CSMD2: variants seen among roughly 807,000 people sequenced by gnomAD.
CSMD2 encodes CUB and Sushi multiple domains 2, also known as CUB and sushi domain-containing protein 2.
CSMD2 carries 130 observed loss-of-function variants against 398.5 expected under a neutral mutation model. The ratio of observed to expected loss-of-function variants is 0.33; its 90% CI spans 0.28 to 0.38. The LOEUF is 0.38. Ranked by LOEUF, CSMD2 falls within the 10% of genes least tolerant of loss-of-function variation. The pLI is 1.00. For missense variants in CSMD2, 3,829 were observed against 4,764.9 expected, an observed-to-expected ratio of 0.80 and a Z score of 5.78; for synonymous variants, 1,828 against 1,908.5, an observed-to-expected ratio of 0.96 and a Z score of 1.10.
At chr1:33,654,347 C>T (rs1467202526) in intron 27 of CSMD2, among the ~76,000 whole-genome samples, 1 of 152,192 alleles carries the variant, frequency 6.6e-6, no homozygotes. Flanking sequence ...CCCAGAGTCA[C>T]TCTGAGACTC....
chr1:33,515,637 A>C lies in CSMD2; in HGVS notation c.*987T>G, dbSNP rs2148505961. ...TGCAGACTAGAAATACTACAGGTAA[A>C]GTGTCAGGCACAGAGAATAACCCCA... On this transcript the variant is annotated 3_prime_UTR_variant, in exon 71 of 71. Coordinates refer to ENST00000373381, the MANE Select transcript of CSMD2 (RefSeq NM_001281956.2). 1 of 152,378 alleles carries C rather than the reference A, an allele frequency of 6.6e-6. No individual in the cohort carries two copies. The highest frequency in any genetic ancestry group is 2.4e-5 in the African/African-American group (1 of 41,590). The allele number at this position is 152,378 out of a possible 1,614,324, so 9.4% of individuals were successfully genotyped here.
rs77125267 is a variant in CSMD2, at chr1:33,966,613, C to T, written c.518-30659G>A. Reference sequence around the variant, plus strand: ...GGTGGTGATGAAACTGAAAAGTAAGCGAGGGAGTCTAAGGAAGTAATGGTT... The same window carrying T: ...GGTGGTGATGAAACTGAAAAGTAAGTGAGGGAGTCTAAGGAAGTAATGGTT... On this transcript the variant is annotated intron_variant, in intron 3 of 70. Transcript: ENST00000373381. 1.3e-3 allele frequency among the ~76,000 whole-genome samples: 205 copies of T among 152,082 alleles called. 1 individual carries two copies. The highest frequency in any genetic ancestry group is 4.6e-3 in the African/African-American group (189 of 41,458).
At chr1:33,878,912 A>T (rs1169890773) in intron 5 of CSMD2, among the ~76,000 whole-genome samples, 1 of 152,228 alleles carries the variant, frequency 6.6e-6, no homozygotes, top group African/African-American at 2.4e-5. Flanking sequence ...ATATCTATTT[A>T]TATGAATCCA....
chr1:33,584,903 G>A (rs1570827126), intron 46 of CSMD2, among the ~76,000 whole-genome samples: 1 of 152,088 alleles, frequency 6.6e-6, no homozygotes, highest in East Asian at 1.9e-4. Context: ...AGCTGGAGGA[G>A]CAGGATTCGT....
rs567435379 is a variant in CSMD2 at position 34,052,400 on chromosome 1, G to A, written c.405-19694C>T. ...TATGGGAGGATATGGGAGGTTATAT[G>A]CAATTACTACACCATTTTAAATAAG... On this transcript the variant is annotated intron_variant, in intron 2 of 70. Coordinates refer to ENST00000373381, the MANE Select transcript of CSMD2 (RefSeq NM_001281956.2). Among the ~76,000 whole-genome samples, 5 of 150,714 alleles carry A rather than the reference G, an allele frequency of 3.3e-5. No individual in the cohort carries two copies. The South Asian group carries it at 1.1e-3, about 32-fold the overall frequency.
At chr1:33,978,708 T>C (rs1341276227) in intron 3 of CSMD2, among the ~76,000 whole-genome samples, 1 of 152,176 alleles carries the variant, frequency 6.6e-6, no homozygotes, top group Non-Finnish European at 1.5e-5. Context: ...GCTGGGATGA[T>C]GCAAGGATGC....
At chr1:33,908,085 C>CAA (rs35932181) in intron 5 of CSMD2, among the ~76,000 whole-genome samples, 2,749 of 76,800 alleles carry the variant, frequency 0.036, 215 homozygotes, top group African/African-American at 0.15. Context: ...GACTCCATCT[C>CAA]AAAAAAAAAA....
chr1:34,049,316 C>G, intron 2 of CSMD2, among the ~76,000 whole-genome samples: 1 of 152,122 alleles, frequency 6.6e-6, no homozygotes, highest in East Asian at 1.9e-4. Flanking sequence ...CTTTCTCAGG[C>G]CTTACTTCCC....
chr1:33,713,136 C>T (rs1043869201), intron 21 of CSMD2, among the ~76,000 whole-genome samples: 2 of 152,160 alleles, frequency 1.3e-5, no homozygotes, highest in Admixed American at 6.5e-5. Context: ...AACAAGGAAG[C>T]TGAGGTTAAG....
At chr1:34,031,606 C>T (rs1650427607) in intron 3 of CSMD2, among the ~76,000 whole-genome samples, 1 of 151,988 alleles carries the variant, frequency 6.6e-6, no homozygotes, top group Non-Finnish European at 1.5e-5. Flanking sequence ...CCCTATACCC[C>T]CTGCCACCAG....
At chr1:33,607,797 G>C (rs1368791835) in intron 41 of CSMD2, among the ~76,000 whole-genome samples, 1 of 152,228 alleles carries the variant, frequency 6.6e-6, no homozygotes, top group Non-Finnish European at 1.5e-5. Context: ...GGAACATCCA[G>C]GCAAGTCCTG....
intron 10 of CSMD2, among the ~76,000 whole-genome samples, chr1:33,800,962 G>A (rs966367845): frequency 2.7e-5 from 4 of 146,958 alleles, no homozygotes; most frequent in Non-Finnish European, 6.0e-5. Flanking sequence ...AATGTTTGCT[G>A]AATGAATAAG....
At chr1:33,797,141 T>G (rs1310199163) in intron 10 of CSMD2, among the ~76,000 whole-genome samples, 5 of 152,238 alleles carry the variant, frequency 3.3e-5, no homozygotes, top group Non-Finnish European at 7.3e-5. Flanking sequence ...CAGAAGCATG[T>G]GATCTTTGTT....
chr1:33,661,026 C>G (rs946895382), intron 26 of CSMD2, among the ~76,000 whole-genome samples: 1 of 152,110 alleles, frequency 6.6e-6, no homozygotes, highest in African/African-American at 2.4e-5. Context: ...TGAGATGAAC[C>G]TTGAAGGATG....
chr1:33,681,227 T>A (rs1644900641), intron 25 of CSMD2, among the ~76,000 whole-genome samples: 1 of 152,032 alleles, frequency 6.6e-6, no homozygotes. Flanking sequence ...CCTGGCTGTG[T>A]TTTATGCTTT....
chr1:33,735,711 G>A (rs1646863593), intron 15 of CSMD2, among the ~76,000 whole-genome samples: 1 of 152,126 alleles, frequency 6.6e-6, no homozygotes, highest in South Asian at 2.1e-4. Context: ...CGTCTCTCTT[G>A]TCCTATTATA....
At chr1:33,950,963 C>A (rs1644990574) in intron 3 of CSMD2, among the ~76,000 whole-genome samples, 1 of 152,230 alleles carries the variant, frequency 6.6e-6, no homozygotes, top group African/African-American at 2.4e-5. Flanking sequence ...AATTCCAGCT[C>A]CTAACTGATT....
At chr1:34,122,630 C>T (rs999252626) in intron 1 of CSMD2, among the ~76,000 whole-genome samples, 1 of 152,140 alleles carries the variant, frequency 6.6e-6, no homozygotes, top group Non-Finnish European at 1.5e-5. Context: ...TACTTTATCT[C>T]CCCCAGAGTT....
chr1:33,882,679 C>T (rs1192434138), intron 5 of CSMD2, among the ~76,000 whole-genome samples: 1 of 152,204 alleles, frequency 6.6e-6, no homozygotes, highest in Admixed American at 6.5e-5. Context: ...GTACCTATCT[C>T]TTTGAGGTCA....
Sources: allele counts gnomAD v4.1 joint callset (sites outside exome capture counted in the v4.1 genomes callset), GRCh38; gene constraint gnomAD v4.1.1; transcripts MANE v1.5; gene names NCBI Gene and HGNC (gene_info 2026-07-23, HGNC 2026-07-21).